ARHGEF38: variants seen among roughly 807,000 people sequenced by gnomAD.
ARHGEF38 encodes Rho guanine nucleotide exchange factor (GEF) 38.
A neutral mutation model predicts 79.9 loss-of-function variants in ARHGEF38; 79 were observed. The ratio of observed to expected loss-of-function variants is 0.99; its 90% CI spans 0.82 to 1.19. The LOEUF (loss-of-function observed/expected upper bound fraction) is 1.19. Among genes scored for constraint, ARHGEF38 ranks in the 50% most tolerant of loss-of-function variants. The probability of loss-of-function intolerance (pLI) is 0.00; values close to 1 mark genes in which losing one functional copy is unlikely to be tolerated. For synonymous variants in ARHGEF38, 366 were observed against 328.3 expected (o/e 1.11, Z -1.24); for missense variants, 962 against 907.2 (o/e 1.06, Z -0.78).
At chr4:105,603,496 C>T (rs1367054145) in intron 2 of ARHGEF38, among the ~76,000 whole-genome samples, 1 of 152,110 alleles carries the variant, frequency 6.6e-6, no homozygotes, top group East Asian at 1.9e-4. Context: ...CTTACAGGTA[C>T]TTTCCTGGCC....
chr4:105,585,720 C>T (rs1358693183), intron 1 of ARHGEF38, among the ~76,000 whole-genome samples: 1 of 93,898 alleles, frequency 1.1e-5, no homozygotes, highest in Non-Finnish European at 2.0e-5. Context: ...AATAGCCCCT[C>T]CGTTGCTTTT....
rs1287228454 is a variant in ARHGEF38 at position 105,591,226 on chromosome 4, TTTTTTG to T, written c.384+1796_384+1801del. On this transcript the variant is annotated intron_variant, in intron 2 of 13. Transcript: ENST00000420470. The stretch of plus-strand genomic sequence containing the variant: ...TCTTAACACAGTACTCTTCTCAGAT[TTTTTTG>T]TTTTGTTTTGTTTTGTGACAGAGTC... 6.6e-5 allele frequency among the ~76,000 whole-genome samples: 10 copies of T among 152,214 alleles called. No individual in the cohort carries two copies. In the East Asian group the frequency reaches 1.9e-3, roughly 29 times the overall value.
At chr4:105,558,169 C>A (rs1238259689) in intron 1 of ARHGEF38, among the ~76,000 whole-genome samples, 1 of 152,046 alleles carries the variant, frequency 6.6e-6, no homozygotes, top group African/African-American at 2.4e-5. Context: ...ACAGATTGTG[C>A]CATGTGGGGA....
intron 10 of ARHGEF38, among the ~76,000 whole-genome samples, chr4:105,662,652 A>C (rs1730603738): frequency 6.6e-6 from 1 of 152,186 alleles, no homozygotes; most frequent in South Asian, 2.1e-4. Context: ...TTTATTTAAA[A>C]ATAATCTCTT....
chr4:105,659,849 T>TTGTGTG (rs59465723), intron 10 of ARHGEF38, among the ~76,000 whole-genome samples: 4,021 of 133,188 alleles, frequency 0.03, 65 homozygotes, highest in Middle Eastern at 0.045. Flanking sequence ...AAGCCTGGTT[T>TTGTGTG]TGTGTGTGTG....
Position 105,679,159 on chromosome 4 carries a change from C to A in ARHGEF38, c.*1222C>A. On this transcript the variant is annotated 3_prime_UTR_variant, in exon 14 of 14. Transcript: ENST00000420470. Reference sequence around the variant, plus strand: ...GCAACTGCTTTGTCGACTCTCTCTACCTGACCAATTGCCAGATCGACAACC... The same window carrying A: ...GCAACTGCTTTGTCGACTCTCTCTAACTGACCAATTGCCAGATCGACAACC... The A allele has an allele frequency of 1.6e-6, 1 of 618,742 alleles. No homozygotes were observed. The highest frequency in any genetic ancestry group is 2.8e-6 in the Non-Finnish European group (1 of 355,100). The allele number at this position is 618,742 out of a possible 1,614,324, so 38.3% of individuals were successfully genotyped here.
At position 105,679,711 on chromosome 4, in the gene ARHGEF38, A is replaced by G; in HGVS notation, c.*1774A>G. On this transcript the variant is annotated 3_prime_UTR_variant, in exon 14 of 14. Coordinates refer to ENST00000420470, the MANE Select transcript of ARHGEF38 (RefSeq NM_001242729.2). ...AGGAACACCTACACATTTAAAAGTA[A>G]TTTGTGTTTTTTGTTCCACATGTCT... The G allele has an allele frequency of 7.5e-6, 6 of 803,886 alleles. No individual in the cohort carries two copies. Among genetic ancestry groups the G allele is most frequent in the Non-Finnish European group, 8.9e-6 (4 of 449,398 alleles). The allele number at this position is 803,886 out of a possible 1,614,324, so 49.8% of individuals were successfully genotyped here.
chr4:105,576,702 A>G (rs1256963609), intron 1 of ARHGEF38, among the ~76,000 whole-genome samples: 2 of 152,134 alleles, frequency 1.3e-5, no homozygotes, highest in Non-Finnish European at 2.9e-5. Context: ...GACTTCCAGT[A>G]CTATGTTGAA....
intron 5 of ARHGEF38, among the ~76,000 whole-genome samples, chr4:105,639,600 G>A (rs940843162): frequency 2.2e-4 from 33 of 151,870 alleles, no homozygotes; most frequent in Admixed American, 1.6e-3. Context: ...TTTATGGCTA[G>A]TTAATTCTCA....
At chr4:105,609,331 C>A (rs905980789) in intron 2 of ARHGEF38, among the ~76,000 whole-genome samples, 1 of 151,980 alleles carries the variant, frequency 6.6e-6, no homozygotes, top group Non-Finnish European at 1.5e-5. Context: ...TCTGGGCTCT[C>A]TATTCTGTTG....
intron 3 of ARHGEF38, among the ~76,000 whole-genome samples, chr4:105,627,974 C>G (rs1319158560): frequency 6.6e-6 from 1 of 151,574 alleles, no homozygotes; most frequent in African/African-American, 2.4e-5. Flanking sequence ...ACTTAAATAT[C>G]TTTTAACTTT....
chr4:105,660,207 C>T (rs532455713), intron 10 of ARHGEF38, among the ~76,000 whole-genome samples: 1 of 152,152 alleles, frequency 6.6e-6, no homozygotes, highest in Non-Finnish European at 1.5e-5. Flanking sequence ...ATCAGTCTCA[C>T]ACTCATACCT....
At chr4:105,651,446 G>C (rs1730101190) in intron 7 of ARHGEF38, among the ~76,000 whole-genome samples, 1 of 152,152 alleles carries the variant, frequency 6.6e-6, no homozygotes, top group African/African-American at 2.4e-5. Flanking sequence ...CTTGTACCCA[G>C]CACCATGTTA....
intron 1 of ARHGEF38, among the ~76,000 whole-genome samples, chr4:105,558,191 A>G (rs1725344531): frequency 6.6e-6 from 1 of 152,198 alleles, no homozygotes; most frequent in Non-Finnish European, 1.5e-5. Context: ...AAGTGGCTCA[A>G]ATAATAAATT....
Position 105,561,464 on chromosome 4 carries a change from A to AATGGAATG in ARHGEF38, c.196+8503_196+8504insATGGAATG, listed in dbSNP as rs1578253558. 5.5e-3 allele frequency: 245 copies of AATGGAATG among 44,578 alleles called. 27 individuals carry two copies. Among genetic ancestry groups the AATGGAATG allele is most frequent in the African/African-American group, 0.018 (195 of 10,654 alleles). 2.8% of individuals were successfully genotyped at this position (44,578 alleles called of 1,614,324 possible). A position where few individuals can be genotyped will look rare whatever the true frequency, so the allele number is the denominator to read the frequency against. ...AGAATAGAATGGAATAGAATAGAATAGAATAGAATAGAATAGAATAGAATA... is the reference window on the plus strand; with the variant it reads ...AGAATAGAATGGAATAGAATAGAATAATGGAATGGAATAGAATAGAATAGAATAGAATA... On this transcript the variant is annotated intron_variant, in intron 1 of 13. Coordinates refer to ENST00000420470, the MANE Select transcript of ARHGEF38 (RefSeq NM_001242729.2).
At chr4:105,673,959 A>G (rs1426245008) in intron 13 of ARHGEF38, among the ~76,000 whole-genome samples, 1 of 152,212 alleles carries the variant, frequency 6.6e-6, no homozygotes, top group Non-Finnish European at 1.5e-5. Flanking sequence ...ATAATGTACC[A>G]TAAATGCTGA....
At chr4:105,645,449 G>A in intron 6 of ARHGEF38, 62 bp downstream of exon 6, 2 of 1,349,100 alleles carry the variant, frequency 1.5e-6, no homozygotes, top group Non-Finnish European at 2.0e-6. Flanking sequence ...TTATGTTTCT[G>A]AGAATCAGAA....
At chr4:105,594,405 C>T (rs562035424) in intron 2 of ARHGEF38, among the ~76,000 whole-genome samples, 4 of 152,158 alleles carry the variant, frequency 2.6e-5, no homozygotes, top group African/African-American at 9.6e-5. Flanking sequence ...ATACAGTTTT[C>T]AGATAACTAT....
intron 3 of ARHGEF38, 128 bp from the exon 4 acceptor site, chr4:105,630,770 C>T (rs1729150834): frequency 5.8e-6 from 4 of 685,554 alleles, no homozygotes; most frequent in Middle Eastern, 4.2e-4. Flanking sequence ...TCCACCCTCC[C>T]TGAATAACCT....
Sources: gnomAD v4.1 joint callset for allele counts (sites outside exome capture counted in the v4.1 genomes callset) on GRCh38, gnomAD v4.1.1 for gene constraint, MANE v1.5 for transcripts, NCBI Gene and HGNC (gene_info 2026-07-23, HGNC 2026-07-21) for gene names.